Variants in CCDC171 observed in about 807,000 individuals in gnomAD.
CCDC171 encodes coiled-coil domain containing 171.
In CCDC171, 177 loss-of-function variants were observed where a neutral mutation model predicts 168.2. The ratio of observed to expected loss-of-function variants is 1.05; its 90% CI spans 0.93 to 1.19. CCDC171 has a LOEUF of 1.19. Ranked by LOEUF, CCDC171 falls within the 50% of genes most tolerant of loss-of-function variation. CCDC171 has a pLI of 0.00. For synonymous variants in CCDC171, 687 were observed against 540.8 expected (o/e 1.27, Z -3.75); for missense variants, 1,991 against 1,539.0 (o/e 1.29, Z -4.91).
At chr9:15,589,676 A>G (rs897083896) in intron 4 of CCDC171, among the ~76,000 whole-genome samples, 1 of 152,218 alleles carries the variant, frequency 6.6e-6, no homozygotes. Context: ...TGAAAAATAT[A>G]ATTAATAAAG....
chr9:15,560,768 G>T (rs964821284), intron 1 of CCDC171, among the ~76,000 whole-genome samples: 4 of 152,066 alleles, frequency 2.6e-5, no homozygotes, highest in African/African-American at 9.7e-5. Context: ...GCTTTGTTCC[G>T]TTGCTGGTGA....
At chr9:16,085,214 C>T in the CCDC171 span, among the ~76,000 whole-genome samples, 7 of 152,216 alleles carry the variant, frequency 4.6e-5, no homozygotes, top group African/African-American at 1.7e-4. Flanking sequence ...TGTCCCATTC[C>T]AATGGCTTGC....
chr9:15,978,166 T>C (rs990901451), downstream of CCDC171, among the ~76,000 whole-genome samples: 3 of 152,182 alleles, frequency 2.0e-5, no homozygotes, highest in South Asian at 4.1e-4. Flanking sequence ...TACTACTGAC[T>C]ATTGAACTCA....
rs1586846081 is a variant in CCDC171 at position 16,031,420 on chromosome 9, A to G, written n.999-4037A>G. ...TAACAACATGTGGTAAGTTGTATAT[A>G]TACCAACCAGCAGATACACTCTTCA... On this transcript the variant is annotated intron_variant and non_coding_transcript_variant, in intron 6 of 9. Transcript: ENST00000486641. Among the ~76,000 whole-genome samples, 4 of 152,362 alleles carry G rather than the reference A, an allele frequency of 2.6e-5. No individual in the cohort carries two copies. In the South Asian group the frequency reaches 8.3e-4, roughly 32 times the overall value.
intron 7 of CCDC171, among the ~76,000 whole-genome samples, chr9:15,647,591 G>A (rs202071149): frequency 3.3e-5 from 5 of 151,966 alleles, no homozygotes; most frequent in Non-Finnish European, 5.9e-5. Flanking sequence ...CAGAAATAGA[G>A]ACTACCATCA....
At chr9:15,766,360 C>T (rs892995907) in intron 18 of CCDC171, among the ~76,000 whole-genome samples, 3 of 151,070 alleles carry the variant, frequency 2.0e-5, no homozygotes, top group Non-Finnish European at 4.4e-5. Flanking sequence ...CCTCCTGCCT[C>T]AGCCTCCTGT....
intron 23 of CCDC171, among the ~76,000 whole-genome samples, chr9:15,854,162 A>G (rs558042791): frequency 4.6e-5 from 7 of 151,284 alleles, no homozygotes; most frequent in Non-Finnish European, 8.9e-5. Flanking sequence ...TTTTTCAAGA[A>G]TTTGAGAGAG....
intron 16 of CCDC171, among the ~76,000 whole-genome samples, chr9:15,742,001 T>A (rs2054910927): frequency 6.6e-6 from 1 of 152,232 alleles, no homozygotes; most frequent in African/African-American, 2.4e-5. Flanking sequence ...CCTGAGACAC[T>A]GAGGTTCACT....
chr9:15,647,521 G>T (rs2047147104), intron 7 of CCDC171, among the ~76,000 whole-genome samples: 1 of 152,002 alleles, frequency 6.6e-6, no homozygotes, highest in Non-Finnish European at 1.5e-5. Flanking sequence ...AAGAAGAAAA[G>T]AGAGAAGAAT....
At chr9:15,618,917 T>C (rs2044298864) in intron 6 of CCDC171, among the ~76,000 whole-genome samples, 1 of 152,010 alleles carries the variant, frequency 6.6e-6, no homozygotes, top group Admixed American at 6.6e-5. Context: ...TGCGTTGGTC[T>C]CGCTGGGAGC....
intron 23 of CCDC171, among the ~76,000 whole-genome samples, chr9:15,850,655 T>G (rs2061085098): frequency 6.6e-6 from 1 of 152,046 alleles, no homozygotes; most frequent in Non-Finnish European, 1.5e-5. Flanking sequence ...AATTCTGTTT[T>G]CTGTGAGGTA....
chr9:15,983,390 T>G (rs2132876411), intron 3 of CCDC171, among the ~76,000 whole-genome samples: 1 of 152,320 alleles, frequency 6.6e-6, no homozygotes, highest in South Asian at 2.1e-4. Context: ...CATATTTTAC[T>G]ATTTTAACTT....
intron 8 of CCDC171, among the ~76,000 whole-genome samples, chr9:15,664,330 C>T (rs540537460): frequency 2.0e-5 from 3 of 152,212 alleles, no homozygotes; most frequent in Non-Finnish European, 4.4e-5. Context: ...CTCACTACAG[C>T]CTTGACTTCC....
intron 10 of CCDC171, among the ~76,000 whole-genome samples, chr9:15,689,339 A>G (rs1451416473): frequency 2.0e-5 from 3 of 152,226 alleles, no homozygotes; most frequent in African/African-American, 7.2e-5. Flanking sequence ...GAAGACAGCT[A>G]TGCTTACCAC....
intron 11 of CCDC171, among the ~76,000 whole-genome samples, chr9:15,700,981 CTAATT>C (rs1441306266): frequency 6.6e-6 from 1 of 151,994 alleles, no homozygotes. Context: ...TTGCGTTTCC[CTAATT>C]TATGATTTGA....
At chr9:16,007,607 G>C (rs1832744790) in intron 3 of CCDC171, among the ~76,000 whole-genome samples, 1 of 152,168 alleles carries the variant, frequency 6.6e-6, no homozygotes, top group Non-Finnish European at 1.5e-5. Context: ...ATTAATTTTA[G>C]TATAAGGTGT....
chr9:15,703,487 C>A (rs867999965), intron 11 of CCDC171, among the ~76,000 whole-genome samples: 2 of 152,264 alleles, frequency 1.3e-5, no homozygotes, highest in South Asian at 4.1e-4. Flanking sequence ...TTTTAGCTCT[C>A]ATGTATGAGT....
At chr9:15,722,279 A>G (rs149922968) in intron 12 of CCDC171, among the ~76,000 whole-genome samples, 295 of 152,336 alleles carry the variant, frequency 1.9e-3, no homozygotes, top group African/African-American at 6.7e-3. Flanking sequence ...GATTTCTACA[A>G]ACTGTGGAAG....
intron 23 of CCDC171, among the ~76,000 whole-genome samples, chr9:15,866,428 T>C (rs2061789378): frequency 6.6e-6 from 1 of 151,950 alleles, no homozygotes; most frequent in Non-Finnish European, 1.5e-5. Flanking sequence ...ATGTGAAACT[T>C]ATTCAGCAAA....
Sources: allele counts gnomAD v4.1 joint callset (sites outside exome capture counted in the v4.1 genomes callset), GRCh38; gene constraint gnomAD v4.1.1; transcripts MANE v1.5; gene names NCBI Gene and HGNC (gene_info 2026-07-23, HGNC 2026-07-21).